Variants in XRN1 observed in about 807,000 individuals in gnomAD.
XRN1 encodes the protein 5'-3' exoribonuclease 1.
In XRN1, 67 loss-of-function variants were observed where a neutral mutation model predicts 222.3. The observed-to-expected ratio is 0.30, with a 90% CI of 0.25 to 0.37. The LOEUF (loss-of-function observed/expected upper bound fraction) is 0.37. Among genes scored for constraint, XRN1 ranks in the 10% least tolerant of loss-of-function variants. The probability of loss-of-function intolerance (pLI) is 1.00; values close to 1 mark genes in which losing one functional copy is unlikely to be tolerated. For synonymous variants in XRN1, 643 were observed against 652.4 expected (o/e 0.99, Z 0.22); for missense variants, 1,707 against 2,000.2 (o/e 0.85, Z 2.80).
In XRN1 at chr3:142,318,621, G is replaced by T; in HGVS notation, c.4592C>A (p.Thr1531Asn). 1 of 1,608,558 alleles carries T rather than the reference G, an allele frequency of 6.2e-7. No individual in the cohort carries two copies. The highest frequency in any genetic ancestry group is 8.5e-7 in the Non-Finnish European group (1 of 1,177,880). Residue 1531 changes from threonine (T) to asparagine (N), a missense_variant, in exon 39 of 41, where the codon ACC (threonine) becomes AAC (asparagine). By Grantham distance (65) the Thr-to-Asn change is moderately conservative (BLOSUM62 0). Coordinates refer to ENST00000392981, the MANE Select transcript of XRN1 (RefSeq NM_001282857.2). ...AGGTGGGGGAAAGGCTGGAGGAATG[G>T]TTCCAGGTGGTACAGCTGAAGGATA... is the stretch of plus-strand genomic sequence containing the variant. ...ANYPSAVPPG[T>N]IPPAFPPPTA...
chr3:142,357,626 C>A (rs916054854), intron 30 of XRN1, among the ~76,000 whole-genome samples: 1 of 152,072 alleles, frequency 6.6e-6, no homozygotes, highest in African/African-American at 2.4e-5. Flanking sequence ...CAGGGTCTCA[C>A]TATGTTGCCC....
intron 25 of XRN1, among the ~76,000 whole-genome samples, chr3:142,373,568 A>G (rs372010905): frequency 2.8e-4 from 42 of 152,338 alleles, no homozygotes; most frequent in East Asian, 1.2e-3. Flanking sequence ...GCACCAGTAA[A>G]GGAAAGGTGC....
In XRN1 at chr3:142,374,628, G is replaced by C. The variant is rs1425924787; in HGVS notation, c.2978+1170C>G. Among the ~76,000 whole-genome samples, 4 of 152,170 alleles carry C rather than the reference G, an allele frequency of 2.6e-5. No individual in the cohort carries two copies. The East Asian group carries it at 7.7e-4, about 29-fold the overall frequency. ...GGAATCCAGAGTGGTGGAAGTCAAA[G>C]AAAGCTGAAGCTCAGGATAGGAAAG... On this transcript the variant is annotated intron_variant, in intron 25 of 40. Transcript: ENST00000392981.
intron 15 of XRN1, 25 bp from the exon 16 acceptor site, chr3:142,405,101 G>C: frequency 6.2e-7 from 1 of 1,602,690 alleles, no homozygotes; most frequent in Non-Finnish European, 8.5e-7. Flanking sequence ...TGAAGAGAAG[G>C]GTTACAAGCA....
chr3:142,390,915 C>G (rs1415011259), intron 20 of XRN1, among the ~76,000 whole-genome samples: 1 of 152,116 alleles, frequency 6.6e-6, no homozygotes, highest in Non-Finnish European at 1.5e-5. Flanking sequence ...TGCTATGTCT[C>G]ATGGAATAGG....
intron 20 of XRN1, among the ~76,000 whole-genome samples, chr3:142,391,587 G>A (rs2067713244): frequency 6.6e-6 from 1 of 151,788 alleles, no homozygotes; most frequent in African/African-American, 2.4e-5. Context: ...ATAGTAGCCT[G>A]GCATGGTGGT....
chr3:142,415,749 G>A (rs186842487), intron 13 of XRN1, among the ~76,000 whole-genome samples: 16 of 152,308 alleles, frequency 1.1e-4, no homozygotes, highest in African/African-American at 3.4e-4. Flanking sequence ...GCACTGGTTT[G>A]TATTGCTAGA....
rs534693135 is a variant in XRN1, at chr3:142,404,012, T to A, written c.1884-23A>T. The stretch of plus-strand genomic sequence containing the variant: ...TACCTAGAAAATAAATCAAGGCATT[T>A]AATTTAAAATTAATACATTACAAAC... On this transcript the variant is annotated intron_variant, in intron 16 of 40. Coordinates refer to ENST00000392981, the MANE Select transcript of XRN1 (RefSeq NM_001282857.2). The A allele has an allele frequency of 2.2e-5, 33 of 1,523,550 alleles. No individual in the cohort carries two copies. The African/African-American group carries it at 4.1e-4, about 19-fold the overall frequency. The allele number at this position is 1,523,550 out of a possible 1,614,324, so 94.4% of individuals were successfully genotyped here.
At chr3:142,319,063 CT>C (rs1294107900) in intron 37 of XRN1, among the ~76,000 whole-genome samples, 160 bp from the exon 38 acceptor site, 2 of 152,142 alleles carry the variant, frequency 1.3e-5, no homozygotes, top group Non-Finnish European at 2.9e-5. Context: ...GAGTTGTTGC[CT>C]TATCTTTTTC....
chr3:142,333,998 T>C (rs181160393), intron 34 of XRN1, among the ~76,000 whole-genome samples: 1 of 152,228 alleles, frequency 6.6e-6, no homozygotes, highest in East Asian at 1.9e-4. Flanking sequence ...GTCTATGGTA[T>C]TGTTATTATA....
At chr3:142,397,545 A>AT in intron 19 of XRN1, 85 bp from the exon 20 acceptor site, 1 of 1,178,168 alleles carries the variant, frequency 8.5e-7, no homozygotes, top group South Asian at 2.9e-5. Context: ...CAAATGAAAT[A>AT]TTTTTTTCAC....
chr3:142,320,009 CTACTGTGAATAG>C (rs1248523206), intron 37 of XRN1, among the ~76,000 whole-genome samples: 1 of 152,076 alleles, frequency 6.6e-6, no homozygotes, highest in Non-Finnish European at 1.5e-5. Context: ...CCTATCTTTG[CTACTGTGAATAG>C]TGCTGTGATA....
rs1246508869 is a variant in XRN1, at chr3:142,421,050, T to G, written c.1139A>C (p.Glu380Ala). 1.9e-6 allele frequency: 3 copies of G among 1,613,950 alleles called. No homozygotes were observed. Among genetic ancestry groups the G allele is most frequent in the East Asian group, 4.5e-5 (2 of 44,858 alleles). Residue 380 changes from glutamate (E) to alanine (A), a missense_variant, in exon 10 of 41, where the codon GAA becomes GCA. This residue lies in a region of XRN1 where 1,234 missense variants were observed against 1,518.2 expected (regional missense o/e 0.81). Coordinates refer to ENST00000392981, the MANE Select transcript of XRN1 (RefSeq NM_001282857.2). Reference protein sequence around the residue: ...LNEAAGVAAEEARNYKEKKKL... With the variant: ...LNEAAGVAAEAARNYKEKKKL... ...TTTCTTTTCCTTGTAGTTCCTGGCT[T>G]CTTCTGCTGCGACACCTGCTGCTTC...
At chr3:142,313,366 AAAT>A (rs2065126171) in intron 39 of XRN1, among the ~76,000 whole-genome samples, 1 of 152,202 alleles carries the variant, frequency 6.6e-6, no homozygotes, top group Non-Finnish European at 1.5e-5. Flanking sequence ...GGAGTTTGTG[AAAT>A]ACAGATTCCT....
chr3:142,335,421 T>C (rs1466083669), intron 34 of XRN1, 27 bp downstream of exon 34: 1 of 1,609,158 alleles, frequency 6.2e-7, no homozygotes, highest in Non-Finnish European at 8.5e-7. Flanking sequence ...AATTGGTAAC[T>C]AGAAATTTGA....
intron 37 of XRN1, among the ~76,000 whole-genome samples, chr3:142,321,322 T>C (rs1251297000): frequency 6.6e-6 from 1 of 152,102 alleles, no homozygotes; most frequent in Non-Finnish European, 1.5e-5. Flanking sequence ...GGTTTCACCA[T>C]GTTGGCCAGG....
intron 37 of XRN1, among the ~76,000 whole-genome samples, chr3:142,322,050 T>G (rs555224052): frequency 6.6e-6 from 1 of 152,318 alleles, no homozygotes; most frequent in South Asian, 2.1e-4. Flanking sequence ...GGCCCTGATT[T>G]TAGAAAAAAC....
intron 10 of XRN1, chr3:142,420,285 T>A (rs182568026): frequency 6.6e-6 from 1 of 152,336 alleles, no homozygotes; most frequent in Admixed American, 6.5e-5. Context: ...TCGCAGGGCA[T>A]CAGCACATCC....
At position 142,359,868 on chromosome 3, in the gene XRN1, G is replaced by T. The variant is rs1314715906; in HGVS notation, c.3458C>A (p.Thr1153Lys). 2 of 1,602,050 alleles carry T rather than the reference G, an allele frequency of 1.2e-6. No homozygotes were observed. The highest frequency in any genetic ancestry group is 8.5e-7 in the Non-Finnish European group (1 of 1,171,562). Residue 1153 changes from threonine to lysine, a missense_variant, in exon 30 of 41, where the codon ACA (threonine) becomes AAA (lysine). Coordinates refer to ENST00000392981, the MANE Select transcript of XRN1 (RefSeq NM_001282857.2). Reference protein sequence around the residue: ...LFDEEFPGGLTIRCSPGRGYR... With the variant: ...LFDEEFPGGLKIRCSPGRGYR... The stretch of plus-strand genomic sequence containing the variant: ...ATCATTGGGAAATACAAACCTTATT[G>T]TTAACCCTCCAGGAAATTCTTCATC...
Sources: gnomAD v4.1 joint callset for allele counts (sites outside exome capture counted in the v4.1 genomes callset) on GRCh38, gnomAD v4.1.1 for gene constraint, gnomAD v4.1.1 regional missense constraint, MANE v1.5 for transcripts, NCBI Gene and HGNC (gene_info 2026-07-23, HGNC 2026-07-21) for gene names.